The following RPRD2 variants were observed in gnomAD, a reference collection of about 807,000 sequenced individuals.
RPRD2 encodes regulation of nuclear pre-mRNA domain-containing protein 2.
A neutral mutation model predicts 104.4 loss-of-function variants in RPRD2; 12 were observed. The observed-to-expected ratio is 0.11, with a 90% CI of 0.07 to 0.19. The LOEUF (loss-of-function observed/expected upper bound fraction) is 0.19, where lower values mean the gene tolerates loss of function less well. Ranked by LOEUF, RPRD2 falls within the 10% of genes least tolerant of loss-of-function variation. The pLI, the probability that RPRD2 is intolerant of heterozygous loss-of-function variation, is 1.00. For synonymous variants in RPRD2, 714 were observed against 684.9 expected, an observed-to-expected ratio of 1.04 and a Z score of -0.66; for missense variants, 1,543 against 1,790.1, an observed-to-expected ratio of 0.86 and a Z score of 2.49.
At chr1:150,374,927 G>T (rs1660587266) in intron 1 of RPRD2, among the ~76,000 whole-genome samples, 1 of 151,482 alleles carries the variant, frequency 6.6e-6, no homozygotes, top group Non-Finnish European at 1.5e-5. Context: ...ACGCTTAATG[G>T]CATTTCTGTA....
rs767139630 is a variant in RPRD2 at position 150,471,804 on chromosome 1, T to G, written c.2856T>G (p.Thr952=). ...SNHNSLSQST[T]GHLSLPQKQY... ...ACAATAGCTTGTCTCAATCTACCAC[T>G]GGGCATCTCAGTTTGCCACAGAAGC... The change falls in exon 11 of 11, where the codon ACT becomes ACG. Residue 952 remains threonine (T), a synonymous_variant. Transcript: ENST00000369068. The surrounding 1 kb of genome is among the most constrained non-coding windows in gnomAD (Gnocchi z 5.3). The G allele has an allele frequency of 6.2e-7, 1 of 1,613,924 alleles. No homozygotes were observed. The highest frequency in any genetic ancestry group is 8.5e-7 in the Non-Finnish European group (1 of 1,179,860).
At chr1:150,395,106 G>C (rs1662396360) in intron 1 of RPRD2, among the ~76,000 whole-genome samples, 1 of 152,056 alleles carries the variant, frequency 6.6e-6, no homozygotes, top group African/African-American at 2.4e-5. Flanking sequence ...CTCATCCCCT[G>C]AGCAGTATAC....
chr1:150,364,682 A>C lies in RPRD2; in HGVS notation c.-33A>C. ...CGCCGCCGCCGCCGCCGCCGCCGCCAGAGGAGCAGCAGCGCTTGTGCAAAC... is the reference window on the plus strand; with the variant it reads ...CGCCGCCGCCGCCGCCGCCGCCGCCCGAGGAGCAGCAGCGCTTGTGCAAAC... On this transcript the variant is annotated 5_prime_UTR_variant, in exon 1 of 11. Transcript: ENST00000369068. The C allele has an allele frequency of 3.1e-6, 4 of 1,283,272 alleles. No homozygotes were observed. The highest frequency in any genetic ancestry group is 2.1e-6 in the Non-Finnish European group (2 of 935,820). 79.5% of individuals were successfully genotyped at this position (1,283,272 alleles called of 1,614,324 possible).
chr1:150,419,923 TG>T (rs1664642698), intron 2 of RPRD2, among the ~76,000 whole-genome samples: 1 of 152,206 alleles, frequency 6.6e-6, no homozygotes, highest in African/African-American at 2.4e-5. Context: ...CCAACGCACC[TG>T]GCCTTGTTAC....
chr1:150,384,450 C>CATCATCATCATT (rs1553881396), intron 1 of RPRD2, among the ~76,000 whole-genome samples: 93 of 132,342 alleles, frequency 7.0e-4, no homozygotes, highest in African/African-American at 1.9e-3. Context: ...GCATCATCAT[C>CATCATCATCATT]ATTATTATTA....
At position 150,464,615 on chromosome 1, in the gene RPRD2, G is replaced by A; in HGVS notation, c.1500G>A (p.Thr500=). 2.5e-6 allele frequency: 4 copies of A among 1,611,658 alleles called. No individual in the cohort carries two copies. The highest frequency in any genetic ancestry group is 2.2e-5 in the East Asian group (1 of 44,822). Residue 500 remains threonine, a synonymous_variant, in exon 10 of 11, where the codon ACG becomes ACA. Coordinates refer to ENST00000369068, the MANE Select transcript of RPRD2 (RefSeq NM_015203.5). ...TSGLKTPAPA[T]TTSHNPLANI... Reference sequence around the variant, plus strand: ...GCCTGAAAACACCTGCACCTGCCACGACAACATCTCACAACCCTCTGGCAA... The same window carrying A: ...GCCTGAAAACACCTGCACCTGCCACAACAACATCTCACAACCCTCTGGCAA...
chr1:150,472,252 C>G lies in RPRD2; in HGVS notation c.3304C>G (p.Pro1102Ala). The change falls in exon 11 of 11, where the codon CCG (proline) becomes GCG (alanine). Residue 1102 changes from proline to alanine, a missense_variant. Coordinates refer to ENST00000369068, the MANE Select transcript of RPRD2 (RefSeq NM_015203.5). ...ATCCAATAGGAGGATGTCAGGGGAG[C>G]CGATCCAGACCGTAGAGTCCATCCG... The part of the protein sequence containing the change: ...SASNRRMSGE[P>A]IQTVESIRVP... The G allele has an allele frequency of 6.2e-7, 1 of 1,613,838 alleles. No homozygotes were observed. The highest frequency in any genetic ancestry group is 8.5e-7 in the Non-Finnish European group (1 of 1,179,848).
chr1:150,459,958 C>A, intron 8 of RPRD2, 102 bp from the exon 9 acceptor site: 3 of 1,009,062 alleles, frequency 3.0e-6, no homozygotes, highest in South Asian at 1.6e-5. Context: ...TAAAGTAGTG[C>A]CTTTTCCCCC....
chr1:150,470,521 G>A (rs1030453203), intron 10 of RPRD2, 40 bp from the exon 11 acceptor site: 2 of 1,581,852 alleles, frequency 1.3e-6, no homozygotes, highest in African/African-American at 2.7e-5. Flanking sequence ...GTATGATAGG[G>A]AGTTGTTCTT....
chr1:150,394,533 A>C (rs1553883777), intron 1 of RPRD2, among the ~76,000 whole-genome samples: 1 of 152,184 alleles, frequency 6.6e-6, no homozygotes, highest in African/African-American at 2.4e-5. Context: ...ACGATTGCTA[A>C]ATGTAGGTAA....
chr1:150,375,781 A>C (rs1553879332), intron 1 of RPRD2, among the ~76,000 whole-genome samples: 1 of 152,208 alleles, frequency 6.6e-6, no homozygotes, highest in East Asian at 1.9e-4. Context: ...GTTGTTTTAA[A>C]ATTTCAATTG....
chr1:150,457,676 G>A (rs1451240204), intron 8 of RPRD2, 106 bp downstream of exon 8: 4 of 941,860 alleles, frequency 4.2e-6, no homozygotes, highest in African/African-American at 1.6e-5. Flanking sequence ...TTTCTTAAAA[G>A]ATAGAACACC....
At chr1:150,416,269 TTGA>T (rs10577360) in intron 1 of RPRD2, among the ~76,000 whole-genome samples, 7,260 of 152,128 alleles carry the variant, frequency 0.048, 434 homozygotes, top group African/African-American at 0.13. Flanking sequence ...GACTCTGGAA[TTGA>T]TGAAGAATTG....
intron 2 of RPRD2, among the ~76,000 whole-genome samples, chr1:150,418,781 G>A (rs936010237): frequency 1.3e-5 from 2 of 152,144 alleles, no homozygotes; most frequent in Admixed American, 1.3e-4. Context: ...GGAGGCCAAG[G>A]CGGGTGGTGG....
intron 7 of RPRD2, among the ~76,000 whole-genome samples, chr1:150,452,003 A>G (rs1307002314): frequency 6.6e-6 from 1 of 150,788 alleles, no homozygotes; most frequent in African/African-American, 2.4e-5. Context: ...TTAGCCAGGC[A>G]TGGTGGCGGG....
chr1:150,465,951 C>G (rs767139821), intron 10 of RPRD2, among the ~76,000 whole-genome samples: 1 of 143,740 alleles, frequency 7.0e-6, no homozygotes, highest in African/African-American at 2.7e-5. Context: ...GTGCTGAGAT[C>G]GCAGTAAGCC....
intron 2 of RPRD2, 134 bp from the exon 3 acceptor site, chr1:150,440,789 T>C: frequency 4.8e-6 from 3 of 621,330 alleles, no homozygotes; most frequent in Non-Finnish European, 8.4e-6. Context: ...CTGGATATTA[T>C]AGAAAAAAGG....
chr1:150,412,331 C>T (rs1664003490), intron 1 of RPRD2, among the ~76,000 whole-genome samples: 2 of 152,006 alleles, frequency 1.3e-5, no homozygotes, highest in African/African-American at 4.8e-5. Flanking sequence ...AGTGCTCTGA[C>T]TAGAGTGGAG....
intron 1 of RPRD2, among the ~76,000 whole-genome samples, chr1:150,411,181 G>T (rs1400866622): frequency 6.6e-6 from 1 of 152,030 alleles, no homozygotes; most frequent in South Asian, 2.1e-4. Flanking sequence ...AATTATAGGC[G>T]GGGCGCAGTG....
Sources: allele counts gnomAD v4.1 joint callset (sites outside exome capture counted in the v4.1 genomes callset), GRCh38; gene constraint gnomAD v4.1.1; non-coding constraint Gnocchi (gnomAD v3.1); transcripts MANE v1.5; gene names NCBI Gene and HGNC (gene_info 2026-07-23, HGNC 2026-07-21).